ASTN2: variants seen among roughly 807,000 people sequenced by gnomAD.
ASTN2 encodes astrotactin 2, also known as astrotactin-2.
ASTN2 carries 54 observed loss-of-function variants against 139.8 expected under a neutral mutation model. That is an observed-to-expected ratio of 0.39 (90% CI 0.31 to 0.48). The LOEUF is 0.48. Among genes scored for constraint, ASTN2 ranks in the 20% least tolerant of loss-of-function variants. The pLI is 0.95. For synonymous variants in ASTN2, 756 were observed against 719.5 expected, an observed-to-expected ratio of 1.05 and a Z score of -0.81; for missense variants, 1,565 against 1,725.1, an observed-to-expected ratio of 0.91 and a Z score of 1.64.
chr9:116,488,690 G>A (rs1849415718), intron 19 of ASTN2, among the ~76,000 whole-genome samples: 1 of 152,122 alleles, frequency 6.6e-6, no homozygotes, highest in African/African-American at 2.4e-5. Flanking sequence ...TCTCATTTTT[G>A]TAGAAATTTT....
intron 4 of ASTN2, among the ~76,000 whole-genome samples, chr9:117,103,250 T>C (rs1031371663): frequency 2.6e-5 from 4 of 152,214 alleles, no homozygotes; most frequent in African/African-American, 9.6e-5. Flanking sequence ...GTTTGCTTTC[T>C]AGTAGGAAAG....
chr9:117,198,540 A>G (rs1038835931), intron 3 of ASTN2, among the ~76,000 whole-genome samples: 6 of 152,150 alleles, frequency 3.9e-5, no homozygotes, highest in Non-Finnish European at 8.8e-5. Flanking sequence ...CCAGTGTATC[A>G]TTGATGGGCA....
At chr9:116,599,538 T>C (rs942457453) in intron 19 of ASTN2, among the ~76,000 whole-genome samples, 2 of 152,218 alleles carry the variant, frequency 1.3e-5, no homozygotes, top group Non-Finnish European at 1.5e-5. Flanking sequence ...TTAGTTCTGA[T>C]ATTTTTCCCT....
At chr9:116,739,011 TACAC>T (rs35705356) in intron 13 of ASTN2, among the ~76,000 whole-genome samples, 104 of 150,216 alleles carry the variant, frequency 6.9e-4, no homozygotes, top group African/African-American at 1.8e-3. Context: ...AACATTCACT[TACAC>T]ACACACACAC....
At chr9:117,149,201 G>A (rs1391056441) in intron 3 of ASTN2, among the ~76,000 whole-genome samples, 1 of 151,850 alleles carries the variant, frequency 6.6e-6, no homozygotes, top group Non-Finnish European at 1.5e-5. Flanking sequence ...TGTATTTTTA[G>A]TAGAGACAGG....
intron 7 of ASTN2, among the ~76,000 whole-genome samples, chr9:117,000,999 C>A (rs1210777190): frequency 2.0e-5 from 3 of 152,112 alleles, no homozygotes; most frequent in Non-Finnish European, 4.4e-5. Flanking sequence ...GTGGGTGGCA[C>A]TAATTGTTGA....
At chr9:116,706,032 G>A (rs1371909428) in intron 16 of ASTN2, among the ~76,000 whole-genome samples, 1 of 151,924 alleles carries the variant, frequency 6.6e-6, no homozygotes, top group Non-Finnish European at 1.5e-5. Flanking sequence ...AGTACCCATG[G>A]CTCAGTGAGG....
intron 17 of ASTN2, among the ~76,000 whole-genome samples, chr9:116,644,581 A>C (rs962383408): frequency 2.0e-5 from 3 of 151,910 alleles, no homozygotes; most frequent in African/African-American, 7.3e-5. Flanking sequence ...ACCTGAAAAA[A>C]CTCAGTCCTC....
chr9:116,440,415 G>A (rs762336765), intron 22 of ASTN2, among the ~76,000 whole-genome samples, 194 bp downstream of exon 22: 2 of 152,166 alleles, frequency 1.3e-5, no homozygotes, highest in Non-Finnish European at 2.9e-5. Context: ...CATTCCAGGA[G>A]TGCAGGAATC....
rs559021578 is a variant in ASTN2, at chr9:116,680,750, A to G, written c.2807-28957T>C. Among the ~76,000 whole-genome samples the G allele has an allele frequency of 2.9e-4, 44 of 152,370 alleles. 1 individual carries two copies. In the East Asian group the frequency reaches 8.1e-3, roughly 28 times the overall value. ...CAAATCAATAAATGCAATCCAGCAT[A>G]TAAACAGAACCAAAGACAAAAATCA... On this transcript the variant is annotated intron_variant, in intron 16 of 22. Transcript: ENST00000313400.
At chr9:116,838,082 T>G (rs1185225108) in intron 11 of ASTN2, among the ~76,000 whole-genome samples, 2 of 151,616 alleles carry the variant, frequency 1.3e-5, no homozygotes, top group South Asian at 4.2e-4. Flanking sequence ...ATTGCTGGAT[T>G]CCAGTTCTGC....
intron 7 of ASTN2, among the ~76,000 whole-genome samples, chr9:116,996,842 G>A (rs1837036555): frequency 6.6e-6 from 1 of 151,800 alleles, no homozygotes; most frequent in Non-Finnish European, 1.5e-5. Context: ...GAACCTTCCT[G>A]GATTTATTTT....
At chr9:116,754,018 G>A (rs1829472353) in intron 13 of ASTN2, among the ~76,000 whole-genome samples, 1 of 141,022 alleles carries the variant, frequency 7.1e-6, no homozygotes, top group South Asian at 2.2e-4. Flanking sequence ...GCGTCCATGT[G>A]TTCTCATTGT....
intron 20 of ASTN2, among the ~76,000 whole-genome samples, chr9:116,445,887 G>A (rs1234813857): frequency 6.6e-6 from 1 of 152,176 alleles, no homozygotes; most frequent in Non-Finnish European, 1.5e-5. Context: ...GATGGAGGAG[G>A]CCTCAGGCAA....
chr9:117,309,768 T>A (rs961711899), intron 1 of ASTN2, among the ~76,000 whole-genome samples: 1 of 151,990 alleles, frequency 6.6e-6, no homozygotes, highest in African/African-American at 2.4e-5. Context: ...CAGCTGGGTG[T>A]AGAGGATTAG....
chr9:117,330,093 G>A (rs557844980), intron 1 of ASTN2, among the ~76,000 whole-genome samples: 15 of 152,308 alleles, frequency 9.8e-5, no homozygotes, highest in Admixed American at 6.5e-4. Flanking sequence ...CTGAGGACTT[G>A]CTTCTCTTTA....
chr9:116,828,137 A>C (rs1831693334), intron 11 of ASTN2, among the ~76,000 whole-genome samples: 1 of 152,084 alleles, frequency 6.6e-6, no homozygotes, highest in African/African-American at 2.4e-5. Context: ...TCTACTAAAA[A>C]TACAAAAAAA....
intron 5 of ASTN2, among the ~76,000 whole-genome samples, chr9:117,066,446 C>T (rs1587924798): frequency 6.8e-6 from 1 of 147,800 alleles, no homozygotes; most frequent in South Asian, 2.3e-4. Flanking sequence ...GGTTCCAAGT[C>T]TTTGCTATTG....
intron 12 of ASTN2, among the ~76,000 whole-genome samples, chr9:116,810,369 A>T (rs1167214893): frequency 6.6e-6 from 1 of 152,218 alleles, no homozygotes; most frequent in Non-Finnish European, 1.5e-5. Context: ...AACAGAGTCC[A>T]AATGCTGAGT....
Sources: allele counts gnomAD v4.1 joint callset (sites outside exome capture counted in the v4.1 genomes callset), GRCh38; gene constraint gnomAD v4.1.1; transcripts MANE v1.5; gene names NCBI Gene and HGNC (gene_info 2026-07-23, HGNC 2026-07-21).